RBFOX1: variants seen among roughly 807,000 people sequenced by gnomAD.
RBFOX1 encodes RNA binding protein fox-1 homolog 1.
RBFOX1 carries 8 observed loss-of-function variants against 57.7 expected under a neutral mutation model. That is an observed-to-expected ratio of 0.14 (90% CI 0.08 to 0.25). The LOEUF (loss-of-function observed/expected upper bound fraction) is 0.25. Ranked by LOEUF, RBFOX1 falls within the 10% of genes least tolerant of loss-of-function variation. The pLI is 1.00. For synonymous variants in RBFOX1, 326 were observed against 222.4 expected (o/e 1.47, Z -4.15); for missense variants, 611 against 548.5 (o/e 1.11, Z -1.14).
At chr16:6,804,886 C>T (rs960260730) in intron 3 of RBFOX1, among the ~76,000 whole-genome samples, 3 of 152,108 alleles carry the variant, frequency 2.0e-5, no homozygotes, top group African/African-American at 7.2e-5. Flanking sequence ...CCATGTGTCC[C>T]AAACATTAAC....
chr16:7,576,289 C>T (rs149822898), intron 5 of RBFOX1, among the ~76,000 whole-genome samples: 52 of 152,156 alleles, frequency 3.4e-4, no homozygotes, highest in African/African-American at 1.2e-3. Flanking sequence ...AAGTGACCTG[C>T]CTAAGATTAG....
intron 4 of RBFOX1, among the ~76,000 whole-genome samples, chr16:7,282,855 C>G (rs758153019): frequency 4.6e-5 from 7 of 152,200 alleles, no homozygotes; most frequent in Non-Finnish European, 7.3e-5. Flanking sequence ...TCCTGAGTTA[C>G]TTCACTTAGA....
chr16:6,538,673 A>G (rs1053112839), intron 2 of RBFOX1, among the ~76,000 whole-genome samples: 14 of 152,184 alleles, frequency 9.2e-5, no homozygotes, highest in Non-Finnish European at 1.9e-4. Context: ...GCTGTAGAAA[A>G]CGGTTTGGGA....
Position 6,803,622 on chromosome 16 carries a change from C to T in RBFOX1, c.-16+148972C>T, listed in dbSNP as rs551669499. 1.8e-4 allele frequency among the ~76,000 whole-genome samples: 27 copies of T among 152,220 alleles called. No homozygotes were observed. The South Asian group carries it at 4.2e-3, about 23-fold the overall frequency. On this transcript the variant is annotated intron_variant, in intron 3 of 15. Coordinates refer to ENST00000550418, the MANE Select transcript of RBFOX1 (RefSeq NM_018723.4). Reference sequence around the variant, plus strand: ...TGAGAAGGAAACAGGATTCCTAAACCGAATGGACTTTAGCAAAAGAATCTT... The same window carrying T: ...TGAGAAGGAAACAGGATTCCTAAACTGAATGGACTTTAGCAAAAGAATCTT...
intron 3 of RBFOX1, among the ~76,000 whole-genome samples, chr16:7,004,908 G>C (rs7200984): frequency 0.016 from 2,457 of 152,214 alleles, 71 homozygotes; most frequent in African/African-American, 0.055. Context: ...CCAGGACTTT[G>C]TAAGGTGGGC....
chr16:6,417,116 A>G (rs2093644464), intron 2 of RBFOX1, among the ~76,000 whole-genome samples: 6 of 152,066 alleles, frequency 3.9e-5, no homozygotes. Context: ...GGTTCAAGCG[A>G]TTCTCCTGCC....
intron 4 of RBFOX1, among the ~76,000 whole-genome samples, chr16:7,321,120 TATACA>T (rs1404861798): frequency 7.4e-6 from 1 of 134,732 alleles, no homozygotes; most frequent in African/African-American, 2.5e-5. Context: ...TACATATACA[TATACA>T]TATACTTATA....
At chr16:6,887,392 T>G (rs918858157) in intron 3 of RBFOX1, among the ~76,000 whole-genome samples, 3 of 152,106 alleles carry the variant, frequency 2.0e-5, no homozygotes, top group Non-Finnish European at 2.9e-5. Flanking sequence ...CATTGTGATT[T>G]CAAGAAGCCG....
At chr16:5,563,443 T>C (rs2045955909) in intron 2 of RBFOX1, among the ~76,000 whole-genome samples, 1 of 152,186 alleles carries the variant, frequency 6.6e-6, no homozygotes, top group African/African-American at 2.4e-5. Flanking sequence ...AAATAATAGT[T>C]TTCTGGAATA....
chr16:7,605,570 C>G (rs779499917), intron 9 of RBFOX1, among the ~76,000 whole-genome samples: 2 of 152,300 alleles, frequency 1.3e-5, no homozygotes, highest in African/African-American at 4.8e-5. Context: ...GATAGACATA[C>G]TGGCCTGTCT....
At chr16:5,345,750 T>G (rs1401005867) in intron 1 of RBFOX1, among the ~76,000 whole-genome samples, 1 of 152,124 alleles carries the variant, frequency 6.6e-6, no homozygotes, top group Non-Finnish European at 1.5e-5. Context: ...ACCTGATGGG[T>G]TAAGGCACAT....
intron 3 of RBFOX1, among the ~76,000 whole-genome samples, chr16:5,835,370 G>T (rs995823199): frequency 6.6e-6 from 1 of 152,234 alleles, no homozygotes; most frequent in Admixed American, 6.5e-5. Context: ...ACTGCGATCT[G>T]CTTTGTAGAA....
At chr16:6,413,034 T>G (rs571080801) in intron 2 of RBFOX1, among the ~76,000 whole-genome samples, 28 of 152,262 alleles carry the variant, frequency 1.8e-4, no homozygotes, top group Non-Finnish European at 5.9e-5. Flanking sequence ...TAAAAAAAAT[T>G]TTTGGCCAGG....
intron 13 of RBFOX1, among the ~76,000 whole-genome samples, chr16:7,669,739 G>C (rs1275999203): frequency 6.6e-6 from 1 of 152,182 alleles, no homozygotes; most frequent in Admixed American, 6.5e-5. Flanking sequence ...TCAGGAATGA[G>C]ATGTGTCAGT....
chr16:6,608,512 G>A (rs1222153539), intron 2 of RBFOX1, among the ~76,000 whole-genome samples: 5 of 152,168 alleles, frequency 3.3e-5, no homozygotes, highest in Non-Finnish European at 7.3e-5. Context: ...AAATTGCCCA[G>A]GTATGGTGGC....
Position 5,699,259 on chromosome 16 carries a change from T to C in RBFOX1, c.318+100298T>C, listed in dbSNP as rs1325616843. On this transcript the variant is annotated intron_variant, in intron 3 of 19. Coordinates refer to the RBFOX1 transcript ENST00000641259. Reference sequence around the variant, plus strand: ...CCTTGGCCTCCCTAAGGGATCTCGGTTTTCTATGCAGTTATATCACCTCAG... The same window carrying C: ...CCTTGGCCTCCCTAAGGGATCTCGGCTTTCTATGCAGTTATATCACCTCAG... 7.9e-5 allele frequency among the ~76,000 whole-genome samples: 12 copies of C among 152,242 alleles called. No homozygotes were observed. The East Asian group carries it at 2.3e-3, about 29-fold the overall frequency.
chr16:6,668,662 T>G (rs1037231033), intron 3 of RBFOX1, among the ~76,000 whole-genome samples: 1 of 152,226 alleles, frequency 6.6e-6, no homozygotes, highest in South Asian at 2.1e-4. Flanking sequence ...GGGTTATGTT[T>G]TGATGCCTTA....
chr16:7,244,699 C>T (rs1334059441), intron 4 of RBFOX1, among the ~76,000 whole-genome samples: 1 of 152,198 alleles, frequency 6.6e-6, no homozygotes, highest in Non-Finnish European at 1.5e-5. Flanking sequence ...CCAGTTTTCA[C>T]TGACTTTCTT....
At chr16:7,709,651 C>A in intron 15 of RBFOX1, 2 of 1,525,318 alleles carry the variant, frequency 1.3e-6, no homozygotes, top group Non-Finnish European at 1.8e-6. Flanking sequence ...GAGAGGGGCA[C>A]ACTTTGTGTG....
Sources: gnomAD v4.1 joint callset for allele counts (sites outside exome capture counted in the v4.1 genomes callset) on GRCh38, gnomAD v4.1.1 for gene constraint, MANE v1.5 for transcripts, NCBI Gene and HGNC (gene_info 2026-07-23, HGNC 2026-07-21) for gene names.